The following NALF1 variants were observed in gnomAD, a reference collection of about 807,000 sequenced individuals.
NALF1 encodes family with sequence similarity 155 member A.
NALF1 carries 3 observed loss-of-function variants against 48.4 expected under a neutral mutation model. The observed-to-expected ratio is 0.06, with a 90% CI of 0.03 to 0.16. The LOEUF (loss-of-function observed/expected upper bound fraction) is 0.16, where lower values mean the gene tolerates loss of function less well. Ranked by LOEUF, NALF1 falls within the 10% of genes least tolerant of loss-of-function variation. NALF1 has a pLI of 1.00. For missense variants in NALF1, 526 were observed against 571.5 expected (o/e 0.92, Z 0.81); for synonymous variants, 262 against 245.7 (o/e 1.07, Z -0.62).
At chr13:107,695,838 T>C (rs760946146) in intron 1 of NALF1, among the ~76,000 whole-genome samples, 1 of 151,938 alleles carries the variant, frequency 6.6e-6, no homozygotes, top group Non-Finnish European at 1.5e-5. Flanking sequence ...ATCAATTTTG[T>C]CCAATGAATT....
At chr13:107,515,300 A>G (rs1876020600) in intron 1 of NALF1, among the ~76,000 whole-genome samples, 2 of 152,186 alleles carry the variant, frequency 1.3e-5, no homozygotes, top group Admixed American at 1.3e-4. Context: ...AGTAAAGGAA[A>G]ACAATTAAGA....
intron 1 of NALF1, among the ~76,000 whole-genome samples, chr13:107,783,873 T>TAAA (rs66692507): frequency 3.8e-5 from 5 of 133,080 alleles, no homozygotes; most frequent in African/African-American, 1.4e-4. Flanking sequence ...AAATAAAAAT[T>TAAA]AAAAAAAAAA....
At chr13:107,744,989 A>G (rs972449922) in intron 1 of NALF1, among the ~76,000 whole-genome samples, 2 of 152,194 alleles carry the variant, frequency 1.3e-5, no homozygotes, top group African/African-American at 4.8e-5. Flanking sequence ...TTTTCATTCT[A>G]CTGCACTGAT....
At chr13:107,474,858 T>A (rs1397802164) in intron 1 of NALF1, among the ~76,000 whole-genome samples, 3 of 152,170 alleles carry the variant, frequency 2.0e-5, no homozygotes, top group Non-Finnish European at 2.9e-5. Context: ...TAAGACATAT[T>A]CTCTAAGAAG....
intron 1 of NALF1, among the ~76,000 whole-genome samples, chr13:107,254,166 C>A (rs145489115): frequency 6.6e-6 from 1 of 151,756 alleles, no homozygotes; most frequent in Non-Finnish European, 1.5e-5. Context: ...ACTTTTTATG[C>A]GCTCCAACTC....
At chr13:107,774,362 T>C (rs1877663919) in intron 1 of NALF1, among the ~76,000 whole-genome samples, 2 of 152,218 alleles carry the variant, frequency 1.3e-5, no homozygotes, top group Admixed American at 1.3e-4. Flanking sequence ...GCAACACCAC[T>C]GGATTCCAAA....
chr13:107,275,470 C>G (rs1224885161), intron 1 of NALF1, among the ~76,000 whole-genome samples: 2 of 152,094 alleles, frequency 1.3e-5, no homozygotes, highest in African/African-American at 2.4e-5. Flanking sequence ...TGTATGGACC[C>G]TCACCCAATT....
intron 1 of NALF1, among the ~76,000 whole-genome samples, chr13:107,662,225 G>A (rs933165777): frequency 6.6e-6 from 1 of 152,138 alleles, no homozygotes; most frequent in African/African-American, 2.4e-5. Flanking sequence ...CAGCCTGGCT[G>A]GGTGGCCATG....
chr13:107,717,706 C>T (rs1324986737), intron 1 of NALF1, among the ~76,000 whole-genome samples: 1 of 152,066 alleles, frequency 6.6e-6, no homozygotes, highest in Non-Finnish European at 1.5e-5. Flanking sequence ...CTTCTGAAAG[C>T]CAGGAGTGGG....
At chr13:107,234,360 C>T (rs889621337) in intron 1 of NALF1, among the ~76,000 whole-genome samples, 1 of 152,220 alleles carries the variant, frequency 6.6e-6, no homozygotes, top group South Asian at 2.1e-4. Context: ...AAGACAACAA[C>T]CTGCACAGCA....
chr13:107,860,445 A>G (rs1880542051), intron 1 of NALF1, among the ~76,000 whole-genome samples: 1 of 152,202 alleles, frequency 6.6e-6, no homozygotes, highest in African/African-American at 2.4e-5. Flanking sequence ...GCTGCACATC[A>G]GAATCACCAG....
intron 2 of NALF1, among the ~76,000 whole-genome samples, chr13:107,201,864 T>G (rs868120331): frequency 1.3e-5 from 2 of 152,114 alleles, no homozygotes; most frequent in Non-Finnish European, 1.5e-5. Context: ...GGAGGAGCTA[T>G]TAGTGAAGGT....
chr13:107,193,862 G>A (rs1166326395), intron 2 of NALF1, among the ~76,000 whole-genome samples: 2 of 151,998 alleles, frequency 1.3e-5, no homozygotes, highest in Non-Finnish European at 2.9e-5. Flanking sequence ...CTCAGAGATA[G>A]GGAGAAAGAG....
intron 1 of NALF1, among the ~76,000 whole-genome samples, chr13:107,707,949 G>C (rs954567940): frequency 6.6e-6 from 1 of 152,058 alleles, no homozygotes; most frequent in African/African-American, 2.4e-5. Context: ...TTTTTTAAAT[G>C]CATGCTGTTC....
intron 1 of NALF1, among the ~76,000 whole-genome samples, chr13:107,569,113 T>C (rs904637791): frequency 1.3e-5 from 2 of 152,254 alleles, no homozygotes; most frequent in African/African-American, 2.4e-5. Flanking sequence ...AAGTGTGAGA[T>C]ACAGGTCAAA....
intron 1 of NALF1, among the ~76,000 whole-genome samples, chr13:107,606,879 T>C (rs1879088227): frequency 6.6e-6 from 1 of 152,198 alleles, no homozygotes; most frequent in South Asian, 2.1e-4. Context: ...AGTGAAATAA[T>C]TGATTATTCC....
chr13:107,860,118 C>T (rs142111378), intron 1 of NALF1, among the ~76,000 whole-genome samples: 84 of 152,096 alleles, frequency 5.5e-4, no homozygotes, highest in Admixed American at 3.1e-3. Flanking sequence ...TCCATAGTTG[C>T]CTGACACAAC....
At chr13:107,766,184 A>G (rs1877414775) in intron 1 of NALF1, among the ~76,000 whole-genome samples, 1 of 152,178 alleles carries the variant, frequency 6.6e-6, no homozygotes, top group Non-Finnish European at 1.5e-5. Flanking sequence ...TTAGCCTGAG[A>G]AGCTTAGCAG....
chr13:107,255,933 T>C (rs1229648272), intron 1 of NALF1, among the ~76,000 whole-genome samples: 1 of 152,116 alleles, frequency 6.6e-6, no homozygotes, highest in Non-Finnish European at 1.5e-5. Context: ...AAGGTATTAT[T>C]AATATGTTAA....
Sources: gnomAD v4.1 joint callset for allele counts (sites outside exome capture counted in the v4.1 genomes callset) on GRCh38, gnomAD v4.1.1 for gene constraint, MANE v1.5 for transcripts, NCBI Gene and HGNC (gene_info 2026-07-23, HGNC 2026-07-21) for gene names.